LAMC3: variants seen among roughly 807,000 people sequenced by gnomAD.
LAMC3 encodes laminin subunit gamma 3, also known as laminin subunit gamma-3.
LAMC3 carries 128 observed loss-of-function variants against 173.8 expected under a neutral mutation model. That is an observed-to-expected ratio of 0.74 (90% confidence interval 0.64 to 0.85). The LOEUF is 0.85. Ranked by LOEUF, LAMC3 falls within the 40% of genes least tolerant of loss-of-function variation. The pLI, the probability that LAMC3 is intolerant of heterozygous loss-of-function variation, is 0.00. For missense variants in LAMC3, 2,022 were observed against 2,156.0 expected (o/e 0.94, Z 1.23); for synonymous variants, 897 against 909.1 (o/e 0.99, Z 0.24).
At chr9:131,052,808 C>G (rs201708181) in intron 10 of LAMC3, 42 bp from the exon 11 acceptor site, 324 of 1,325,076 alleles carry the variant, frequency 2.4e-4, no homozygotes, top group Non-Finnish European at 3.2e-4. Context: ...GGTACCCCCC[C>G]ACCCTATGTC....
chr9:131,032,484 C>G (rs1833844623), intron 3 of LAMC3, among the ~76,000 whole-genome samples: 1 of 148,332 alleles, frequency 6.7e-6, no homozygotes, highest in South Asian at 2.2e-4. Context: ...CTCTCTTTCT[C>G]TCGCTCTCGC....
chr9:131,036,439 C>T (rs529657466), intron 4 of LAMC3, 107 bp downstream of exon 4: 13 of 1,264,986 alleles, frequency 1.0e-5, no homozygotes, highest in South Asian at 2.5e-5. Context: ...GGGTACGCCC[C>T]GGGGGCAGCT....
Position 131,071,591 on chromosome 9 carries a change from G to A in LAMC3, c.3177G>A (p.Arg1059=), listed in dbSNP as rs1435520805. The A allele has an allele frequency of 3.7e-6, 6 of 1,604,512 alleles. No individual in the cohort carries two copies. The highest frequency in any genetic ancestry group is 1.7e-5 in the Admixed American group (1 of 59,616). Residue 1059 remains arginine (R), a synonymous_variant, in exon 18 of 28, where the codon AGG becomes AGA. Coordinates refer to ENST00000361069, the MANE Select transcript of LAMC3 (RefSeq NM_006059.4). ...PLDILLGEAP[R]GDVYQGHHLL... ...ACATTCTGCTGGGAGAGGCCCCAAGGGGGGACGTCTACCAGGGCCATCACC... is the reference window on the plus strand; with the variant it reads ...ACATTCTGCTGGGAGAGGCCCCAAGAGGGGACGTCTACCAGGGCCATCACC...
intron 6 of LAMC3, among the ~76,000 whole-genome samples, chr9:131,040,866 G>A (rs191288480): frequency 1.1e-4 from 17 of 152,306 alleles, no homozygotes; most frequent in Admixed American, 1.1e-3. Flanking sequence ...CCCACAACAC[G>A]TATCGCGGTA....
chr9:131,076,063 G>A, intron 21 of LAMC3, 98 bp downstream of exon 21: 1 of 1,216,426 alleles, frequency 8.2e-7, no homozygotes, highest in Non-Finnish European at 1.1e-6. Flanking sequence ...CAGCTCCCTT[G>A]AGTCCTGACG....
At chr9:131,031,897 G>A in intron 2 of LAMC3, 148 bp from the exon 3 acceptor site, 10 of 1,364,930 alleles carry the variant, frequency 7.3e-6, no homozygotes, top group Non-Finnish European at 1.0e-5. Flanking sequence ...CCTTATTTCT[G>A]CAGTGTTCTC....
intron 21 of LAMC3, 130 bp downstream of exon 21, chr9:131,076,095 G>A (rs1830121517): frequency 2.1e-6 from 2 of 962,088 alleles, no homozygotes; most frequent in Non-Finnish European, 3.0e-6. Flanking sequence ...TGGTGTCTTG[G>A]GTCTGCATCC....
chr9:131,058,241 G>A (rs911888312), intron 12 of LAMC3, among the ~76,000 whole-genome samples: 1 of 152,156 alleles, frequency 6.6e-6, no homozygotes, highest in Non-Finnish European at 1.5e-5. Context: ...TCAGCCTCCT[G>A]TGTAGCTGGG....
chr9:131,085,291 C>G (rs903859037), intron 24 of LAMC3, among the ~76,000 whole-genome samples: 6 of 152,200 alleles, frequency 3.9e-5, no homozygotes, highest in African/African-American at 1.2e-4. Context: ...AATAGACATC[C>G]TAATAGAATG....
rs1452391302 is a variant in LAMC3, at chr9:131,009,315, G to C, written c.101G>C (p.Arg34Pro). The C allele has an allele frequency of 6.8e-6, 10 of 1,461,368 alleles. No homozygotes were observed. Among genetic ancestry groups the C allele is most frequent in the Non-Finnish European group, 9.0e-6 (10 of 1,113,844 alleles). The allele number at this position is 1,461,368 out of a possible 1,614,324, so 90.5% of individuals were successfully genotyped here. ...ACYDGAGRPQ[R>P]CLPVFENAAF... is the part of the protein sequence containing the mutation. ...TATGACGGCGCAGGGCGCCCGCAGC[G>C]CTGCCTGCCGGTGTTCGAGAACGCG... The change falls in exon 1 of 28, where the codon CGC becomes CCC. Residue 34 changes from arginine to proline, a missense_variant. Physicochemically the swap from Arg to Pro is moderately radical, Grantham distance 103. Coordinates refer to ENST00000361069, the MANE Select transcript of LAMC3 (RefSeq NM_006059.4). The surrounding 1 kb of genome is among the most constrained non-coding windows in gnomAD (Gnocchi z 4.3).
At chr9:131,022,688 G>A (rs1564364567) in intron 1 of LAMC3, among the ~76,000 whole-genome samples, 1 of 151,900 alleles carries the variant, frequency 6.6e-6, no homozygotes. Flanking sequence ...AGCCTCTCAG[G>A]TAGCTGGGAT....
At chr9:131,065,094 C>T (rs1470503243) in intron 13 of LAMC3, among the ~76,000 whole-genome samples, 2 of 150,276 alleles carry the variant, frequency 1.3e-5, no homozygotes, top group African/African-American at 4.9e-5. Context: ...AGCAAGGCAG[C>T]ATTCTTGTCA....
chr9:131,061,135 G>T lies in LAMC3; in HGVS notation c.2259G>T (p.Gln753His), dbSNP rs1443144801. 1.2e-6 allele frequency: 2 copies of T among 1,613,484 alleles called. No homozygotes were observed. Among genetic ancestry groups the T allele is most frequent in the African/African-American group, 2.7e-5 (2 of 74,924 alleles). Residue 753 changes from glutamine (Q) to histidine (H), a missense_variant, in exon 13 of 28, where the codon CAG becomes CAT. By Grantham distance (24) the Gln-to-His change is conservative. Transcript: ENST00000361069. Reference sequence around the variant, plus strand: ...TCGCGGGCCAAGCCGACGACTGCCAGCCCTGTCCCTGCCCTGGCCAGTCGG... The same window carrying T: ...TCGCGGGCCAAGCCGACGACTGCCATCCCTGTCCCTGCCCTGGCCAGTCGG... ...NPFAGQADDC[Q>H]PCPCPGQSAC...
intron 13 of LAMC3, among the ~76,000 whole-genome samples, chr9:131,062,877 TAAA>T (rs760536917): frequency 5.3e-5 from 7 of 132,364 alleles, no homozygotes; most frequent in Admixed American, 3.0e-4. Flanking sequence ...TCAAAAAAAT[TAAA>T]AAAAAAAAAA....
At chr9:131,052,063 C>A (rs1834297636) in intron 9 of LAMC3, among the ~76,000 whole-genome samples, 1 of 152,190 alleles carries the variant, frequency 6.6e-6, no homozygotes, top group South Asian at 2.1e-4. Flanking sequence ...ACTTACCTTG[C>A]TGTCACCTGG....
intron 9 of LAMC3, among the ~76,000 whole-genome samples, chr9:131,051,418 G>A (rs1834284580): frequency 6.9e-6 from 1 of 145,350 alleles, no homozygotes; most frequent in Non-Finnish European, 1.5e-5. Flanking sequence ...AGGCTGGAGT[G>A]CATTGGCGTG....
rs7045998 is a variant in LAMC3, at chr9:131,085,390, C to T, written c.4031-134C>T. ...GATAAGCCTGAGAAGGCGATATGCA[C>T]GTTGCATGCACTTCAGACCTCCACT... On this transcript the variant is annotated intron_variant, in intron 24 of 27. Coordinates refer to ENST00000361069, the MANE Select transcript of LAMC3 (RefSeq NM_006059.4). 0.42 allele frequency: 346,123 copies of T among 815,378 alleles called. 76,623 individuals are homozygous for T. Among genetic ancestry groups the T allele is most frequent in the African/African-American group, 0.68 (40,201 of 58,874 alleles). The allele number at this position is 815,378 out of a possible 1,614,324, so 50.5% of individuals were successfully genotyped here.
chr9:131,071,236 C>A (rs536384608), intron 17 of LAMC3, among the ~76,000 whole-genome samples: 1 of 152,126 alleles, frequency 6.6e-6, no homozygotes, highest in Non-Finnish European at 1.5e-5. Context: ...CCCCACCTTC[C>A]GAGGTAGGAC....
At position 131,082,141 on chromosome 9, in the gene LAMC3, C is replaced by T; in HGVS notation, c.4010C>T (p.Thr1337Ile). Residue 1337 changes from threonine (T) to isoleucine (I), a missense_variant, in exon 24 of 28, where the codon ACT becomes ATT. Thr to Ile is a moderately conservative substitution (Grantham distance 89, BLOSUM62 -1). Coordinates refer to ENST00000361069, the MANE Select transcript of LAMC3 (RefSeq NM_006059.4). ...AATVTVMGARTLLADLEGMKL... is the reference protein window; with the variant it reads ...AATVTVMGARILLADLEGMKL... ...ACAGTGACTGTCATGGGAGCCAGGA[C>T]TCTGCTGGCTGATCTGGAAGGTACG... The T allele has an allele frequency of 1.2e-6, 2 of 1,613,242 alleles. No individual in the cohort carries two copies. The highest frequency in any genetic ancestry group is 1.7e-6 in the Non-Finnish European group (2 of 1,179,432).
Sources: gnomAD v4.1 joint callset for allele counts (sites outside exome capture counted in the v4.1 genomes callset) on GRCh38, gnomAD v4.1.1 for gene constraint, Gnocchi (gnomAD v3.1) non-coding constraint, MANE v1.5 for transcripts, NCBI Gene and HGNC (gene_info 2026-07-23, HGNC 2026-07-21) for gene names.